ADAMTS10: variants seen among roughly 807,000 people sequenced by gnomAD.
ADAMTS10 encodes ADAM metallopeptidase with thrombospondin type 1 motif 10, also known as A disintegrin and metalloproteinase with thrombospondin motifs 10.
In ADAMTS10, 48 loss-of-function variants were observed where a neutral mutation model predicts 135.9. The observed-to-expected ratio is 0.35, with a 90% CI of 0.28 to 0.45. The LOEUF is 0.45. Among genes scored for constraint, ADAMTS10 ranks in the 20% least tolerant of loss-of-function variants. The probability of loss-of-function intolerance (pLI) is 1.00; values close to 1 mark genes in which losing one functional copy is unlikely to be tolerated. For missense variants in ADAMTS10, 1,131 were observed against 1,565.2 expected (o/e 0.72, Z 4.68); for synonymous variants, 621 against 647.5 (o/e 0.96, Z 0.62).
intron 12 of ADAMTS10, chr19:8,595,476 G>A (rs1204821407): frequency 2.2e-6 from 1 of 465,058 alleles, no homozygotes; most frequent in East Asian, 4.5e-5. Context: ...CCCACAGGGG[G>A]TGTGATGTGC....
At position 8,580,271 on chromosome 19, in the gene ADAMTS10, T is replaced by C. The variant is rs1041587435; in HGVS notation, c.*622A>G. On this transcript the variant is annotated 3_prime_UTR_variant, in exon 26 of 26. Coordinates refer to ENST00000597188, the MANE Select transcript of ADAMTS10 (RefSeq NM_030957.4). ...GAAATCTACACAAGACAGAACTTTA[T>C]TGATGTAGGGCTTCCTGGCAGGAGT... 3.2e-5 allele frequency: 5 copies of C among 154,584 alleles called. No individual in the cohort carries two copies. The highest frequency in any genetic ancestry group is 9.7e-5 in the African/African-American group (4 of 41,436). The allele number at this position is 154,584 out of a possible 1,614,324, so 9.6% of individuals were successfully genotyped here. A position where few individuals can be genotyped will look rare whatever the true frequency, so the allele number is the denominator to read the frequency against.
chr19:8,580,898 G>C lies in ADAMTS10; in HGVS notation c.3307C>G (p.His1103Asp). 1.2e-6 allele frequency: 2 copies of C among 1,607,394 alleles called. No individual in the cohort carries two copies. The highest frequency in any genetic ancestry group is 1.7e-6 in the Non-Finnish European group (2 of 1,177,188). ...CTCCGGGTGCCGCGCGCCCCCTAGT[G>C]GCCATGGCAGGTTTTGCAGCACATC... ...RQMCCKTCHG[H>D] Residue 1103 changes from histidine to aspartate, a missense_variant, in exon 26 of 26, where the codon CAC becomes GAC. Transcript: ENST00000597188.
intron 25 of ADAMTS10, chr19:8,582,474 GC>G (rs1555736050): frequency 1.8e-4 from 28 of 152,224 alleles, no homozygotes; most frequent in African/African-American, 6.7e-4. Context: ...TCAAAACAAA[GC>G]AAAACAAAAA....
In ADAMTS10 at chr19:8,596,831, T is replaced by C. The variant is rs1165198397; in HGVS notation, c.1040+156A>G. Among the ~76,000 whole-genome samples the C allele has an allele frequency of 2.0e-5, 3 of 152,090 alleles. No individual in the cohort carries two copies. The highest frequency in any genetic ancestry group is 7.2e-5 in the African/African-American group (3 of 41,400). ...CCCAAACCTCCCTTACCCATTATTC[T>C]CAAGCAGCCCCTCCCCATCCCTGGC... On this transcript the variant is annotated intron_variant, in intron 8 of 25. Transcript: ENST00000597188. This position sits in a 1 kb window ranked among gnomAD's most constrained non-coding sequence, Gnocchi z 7.2.
At chr19:8,600,500 CTTTTTTT>C (rs797035354) in intron 6 of ADAMTS10, among the ~76,000 whole-genome samples, 31 of 129,842 alleles carry the variant, frequency 2.4e-4, no homozygotes, top group African/African-American at 7.5e-4. Flanking sequence ...TCTTTCTTTT[CTTTTTTT>C]TTTTTTTTTT....
rs2042717629 is a variant in ADAMTS10, at chr19:8,605,938, C to T, written c.-99-129G>A. On this transcript the variant is annotated intron_variant, in intron 2 of 25. Coordinates refer to ENST00000597188, the MANE Select transcript of ADAMTS10 (RefSeq NM_030957.4). The surrounding 1 kb of genome is among the most constrained non-coding windows in gnomAD (Gnocchi z 7.7). ...CTGAATGCATTTTCTCACTCAGTCA[C>T]TCCCCTCTCCCCACCTCCCCTTCCA... is the stretch of plus-strand genomic sequence containing the variant. 1 of 860,078 alleles carries T rather than the reference C, an allele frequency of 1.2e-6. No homozygotes were observed. Among genetic ancestry groups the T allele is most frequent in the Non-Finnish European group, 1.7e-6 (1 of 577,140 alleles). The allele number at this position is 860,078 out of a possible 1,614,324, so 53.3% of individuals were successfully genotyped here.
intron 24 of ADAMTS10, 28 bp downstream of exon 24, chr19:8,585,104 C>T: frequency 6.8e-7 from 1 of 1,480,408 alleles, no homozygotes; most frequent in East Asian, 2.6e-5. Context: ...TGCCCTGGCC[C>T]CCACCCCTCT....
At position 8,596,612 on chromosome 19, in the gene ADAMTS10, G is replaced by GGGGTT; in HGVS notation, c.1041-28_1041-27insAACCC. The GGGGTT allele has an allele frequency of 1.2e-6, 2 of 1,611,512 alleles. No homozygotes were observed. Among genetic ancestry groups the GGGGTT allele is most frequent in the Non-Finnish European group, 1.7e-6 (2 of 1,179,416 alleles). On this transcript the variant is annotated intron_variant, in intron 8 of 25. Transcript: ENST00000597188. This position sits in a 1 kb window ranked among gnomAD's most constrained non-coding sequence, Gnocchi z 7.2. ...TGTAAAAGGAGACAGGGTCAGTGAG[G>GGGGTT]GGGCTGGGCTGTCTCCCTAAGCCCT...
chr19:8,600,500 C>CTTTTTTTTTTTTTTT (rs797035354), intron 6 of ADAMTS10, among the ~76,000 whole-genome samples: 2 of 129,822 alleles, frequency 1.5e-5, no homozygotes, highest in African/African-American at 2.9e-5. Flanking sequence ...TCTTTCTTTT[C>CTTTTTTTTTTTTTTT]TTTTTTTTTT....
Position 8,605,588 on chromosome 19 carries a change from C to T in ADAMTS10, c.88+35G>A, listed in dbSNP as rs375715189. 6.9e-6 allele frequency: 11 copies of T among 1,605,646 alleles called. No individual in the cohort carries two copies. Among genetic ancestry groups the T allele is most frequent in the Non-Finnish European group, 8.5e-6 (10 of 1,176,794 alleles). ...CCCAACTGGTCTCTTACATTTTTCG[C>T]TCCCTCCCCACCGCCACCACCAGAC... On this transcript the variant is annotated intron_variant, in intron 3 of 25. Transcript: ENST00000597188. This position sits in a 1 kb window ranked among gnomAD's most constrained non-coding sequence, Gnocchi z 7.7.
rs186582672 is a variant in ADAMTS10, at chr19:8,596,013, G to A, written c.1337+60C>T. 8.1e-5 allele frequency: 130 copies of A among 1,613,766 alleles called. No individual in the cohort carries two copies. In the African/African-American group the frequency reaches 1.0e-3, roughly 13 times the overall value. On this transcript the variant is annotated intron_variant, in intron 11 of 25. Coordinates refer to ENST00000597188, the MANE Select transcript of ADAMTS10 (RefSeq NM_030957.4). This position sits in a 1 kb window ranked among gnomAD's most constrained non-coding sequence, Gnocchi z 7.2. Reference sequence around the variant, plus strand: ...GCATCCCTGATTTCTATCGTCTCCCGTGTACCCTGCCCCACCATGAGTGTG... The same window carrying A: ...GCATCCCTGATTTCTATCGTCTCCCATGTACCCTGCCCCACCATGAGTGTG...
rs1255429764 is a variant in ADAMTS10 at position 8,596,754 on chromosome 19, T to C, written c.1041-169A>G. Among the ~76,000 whole-genome samples, 6 of 152,140 alleles carry C rather than the reference T, an allele frequency of 3.9e-5. No homozygotes were observed. Among genetic ancestry groups the C allele is most frequent in the African/African-American group, 7.2e-5 (3 of 41,430 alleles). On this transcript the variant is annotated intron_variant, in intron 8 of 25. Coordinates refer to ENST00000597188, the MANE Select transcript of ADAMTS10 (RefSeq NM_030957.4). The surrounding 1 kb of genome is among the most constrained non-coding windows in gnomAD (Gnocchi z 7.2). ...CCACATGAATGAATGAATGCATGCA[T>C]GCATGCATGAGTGGGAGAATAAGTG...
chr19:8,608,787 C>A (rs1478687168), intron 1 of ADAMTS10, among the ~76,000 whole-genome samples: 4 of 152,090 alleles, frequency 2.6e-5, no homozygotes, highest in Non-Finnish European at 2.9e-5. Flanking sequence ...CCTCACACCC[C>A]CTTCTGTGCT....
Position 8,580,880 on chromosome 19 carries a change from T to G in ADAMTS10, c.*13A>C. Reference sequence around the variant, plus strand: ...AGACCCCGCCAGCTGTGGCTCCGGGTGCCGCGCGCCCCCTAGTGGCCATGG... The same window carrying G: ...AGACCCCGCCAGCTGTGGCTCCGGGGGCCGCGCGCCCCCTAGTGGCCATGG... On this transcript the variant is annotated 3_prime_UTR_variant, in exon 26 of 26. Transcript: ENST00000597188. 6.3e-7 allele frequency: 1 copy of G among 1,586,468 alleles called. No individual in the cohort carries two copies.
At chr19:8,604,035 A>G in intron 4 of ADAMTS10, 151 bp from the exon 5 acceptor site, 1 of 733,596 alleles carries the variant, frequency 1.4e-6, no homozygotes, top group Non-Finnish European at 2.0e-6. Context: ...ATTAGTGTCC[A>G]TGCTATTTAT....
intron 12 of ADAMTS10, 180 bp downstream of exon 12, chr19:8,595,582 G>A (rs1008282722): frequency 1.1e-6 from 1 of 928,340 alleles, no homozygotes; most frequent in East Asian, 2.7e-5. Context: ...TGATTGCTTA[G>A]GACATTTTGC....
intron 13 of ADAMTS10, among the ~76,000 whole-genome samples, 196 bp downstream of exon 13, chr19:8,592,567 C>T (rs1555739326): frequency 6.7e-6 from 1 of 148,690 alleles, no homozygotes; most frequent in Non-Finnish European, 1.5e-5. Context: ...AACCAAGGGA[C>T]GCATAGACGG....
At chr19:8,594,799 C>G (rs1161257550) in intron 12 of ADAMTS10, among the ~76,000 whole-genome samples, 2 of 152,176 alleles carry the variant, frequency 1.3e-5, no homozygotes, top group Non-Finnish European at 2.9e-5. Context: ...GTTAGGATAC[C>G]TGGGTCACAG....
intron 18 of ADAMTS10, among the ~76,000 whole-genome samples, chr19:8,587,434 C>G (rs2042452536): frequency 6.9e-6 from 1 of 144,354 alleles, no homozygotes; most frequent in South Asian, 2.2e-4. Context: ...GCCTCAGCCT[C>G]CCAAAGTGCT....
Sources: allele counts gnomAD v4.1 joint callset (sites outside exome capture counted in the v4.1 genomes callset), GRCh38; gene constraint gnomAD v4.1.1; non-coding constraint Gnocchi (gnomAD v3.1); transcripts MANE v1.5; gene names NCBI Gene and HGNC (gene_info 2026-07-23, HGNC 2026-07-21).